The following CNTN5 variants were observed in gnomAD, a reference collection of about 807,000 sequenced individuals.
CNTN5 encodes contactin 5.
In CNTN5, 77 loss-of-function variants were observed where a neutral mutation model predicts 129.1. The observed-to-expected ratio is 0.60, with a 90% confidence interval of 0.50 to 0.72. The LOEUF is 0.72. Ranked by LOEUF, CNTN5 falls within the 30% of genes least tolerant of loss-of-function variation. The pLI is 0.00. For synonymous variants in CNTN5, 509 were observed against 465.6 expected, an observed-to-expected ratio of 1.09 and a Z score of -1.20; for missense variants, 1,478 against 1,328.8, an observed-to-expected ratio of 1.11 and a Z score of -1.75.
intron 1 of CNTN5, among the ~76,000 whole-genome samples, chr11:99,322,999 A>G (rs1472196823): frequency 2.0e-5 from 3 of 152,154 alleles, no homozygotes; most frequent in Admixed American, 1.3e-4. Context: ...GTCGCCTACG[A>G]TTATTTATTT....
In CNTN5 at chr11:99,287,095, G is replaced by A. The variant is rs558871148; in HGVS notation, c.-209-38251G>A. Among the ~76,000 whole-genome samples the A allele has an allele frequency of 1.5e-4, 23 of 152,234 alleles. 1 individual carries two copies. In the South Asian group the frequency reaches 4.8e-3, roughly 32 times the overall value. On this transcript the variant is annotated intron_variant, in intron 1 of 24. Coordinates refer to ENST00000524871, the MANE Select transcript of CNTN5 (RefSeq NM_014361.4). ...CTTTCAATATTTAAAAGGCTGTCAT[G>A]TGGAAAAGACAGCAAGGTGACAAGT...
chr11:99,822,942 C>T (rs1490243614), intron 4 of CNTN5, among the ~76,000 whole-genome samples: 2 of 152,238 alleles, frequency 1.3e-5, no homozygotes, highest in Non-Finnish European at 2.9e-5. Context: ...TGGAAGTCAG[C>T]TCGTGCTGAG....
chr11:99,854,226 C>T (rs575826005), intron 6 of CNTN5, among the ~76,000 whole-genome samples: 2 of 152,136 alleles, frequency 1.3e-5, no homozygotes, highest in Non-Finnish European at 2.9e-5. Flanking sequence ...ACTCCAGCCC[C>T]ACTATACTCC....
At chr11:100,188,796 C>G (rs1267111127) in intron 13 of CNTN5, among the ~76,000 whole-genome samples, 1 of 152,114 alleles carries the variant, frequency 6.6e-6, no homozygotes, top group Non-Finnish European at 1.5e-5. Flanking sequence ...CATTGTAGCA[C>G]TAGTCACAAT....
intron 3 of CNTN5, among the ~76,000 whole-genome samples, chr11:99,612,372 C>G (rs1024089880): frequency 6.6e-6 from 1 of 152,152 alleles, no homozygotes; most frequent in Non-Finnish European, 1.5e-5. Context: ...GGATTATTCT[C>G]TTAATCCCTC....
At chr11:99,022,533 G>A (rs1862920978) in intron 1 of CNTN5, among the ~76,000 whole-genome samples, 1 of 151,922 alleles carries the variant, frequency 6.6e-6, no homozygotes, top group South Asian at 2.1e-4. Flanking sequence ...AGTTAAGTGG[G>A]GACTAGTATG....
intron 3 of CNTN5, among the ~76,000 whole-genome samples, chr11:99,580,326 A>G (rs1407519318): frequency 6.6e-6 from 1 of 152,184 alleles, no homozygotes; most frequent in Non-Finnish European, 1.5e-5. Context: ...CTTTGGTATC[A>G]GGATGATGCT....
At chr11:99,305,195 C>T (rs1021663370) in intron 1 of CNTN5, among the ~76,000 whole-genome samples, 1 of 152,058 alleles carries the variant, frequency 6.6e-6, no homozygotes, top group Admixed American at 6.6e-5. Context: ...TAGAACACTG[C>T]CTTAATAAGG....
intron 1 of CNTN5, among the ~76,000 whole-genome samples, chr11:99,032,103 T>G (rs1390605794): frequency 6.6e-6 from 1 of 152,104 alleles, no homozygotes; most frequent in Non-Finnish European, 1.5e-5. Flanking sequence ...AACTCATCCT[T>G]TTTTATGGCT....
At chr11:100,288,909 A>G (rs1350515566) in intron 18 of CNTN5, among the ~76,000 whole-genome samples, 1 of 151,964 alleles carries the variant, frequency 6.6e-6, no homozygotes, top group Non-Finnish European at 1.5e-5. Context: ...AGACACAATA[A>G]AAAATGATAA....
chr11:99,304,395 C>A (rs1375058758), intron 1 of CNTN5, among the ~76,000 whole-genome samples: 1 of 152,070 alleles, frequency 6.6e-6, no homozygotes, highest in Non-Finnish European at 1.5e-5. Context: ...TAAAATCATT[C>A]ACATATAAAT....
At position 100,091,685 on chromosome 11, in the gene CNTN5, C is replaced by T. The variant is rs567514464; in HGVS notation, c.1580+17391C>T. Among the ~76,000 whole-genome samples, 7 of 152,030 alleles carry T rather than the reference C, an allele frequency of 4.6e-5. No individual in the cohort carries two copies. The South Asian group carries it at 1.2e-3, about 27-fold the overall frequency. ...CTTGTGATCCACCCAACTCGGTCTA[C>T]CAAAGTGCTGGGATTACAGGTGTAA... On this transcript the variant is annotated intron_variant, in intron 13 of 24. Coordinates refer to ENST00000524871, the MANE Select transcript of CNTN5 (RefSeq NM_014361.4).
chr11:100,354,736 T>C (rs892857966), intron 24 of CNTN5, among the ~76,000 whole-genome samples: 2 of 151,686 alleles, frequency 1.3e-5, no homozygotes, highest in Non-Finnish European at 3.0e-5. Flanking sequence ...AGGCATATGG[T>C]ATAGCCTATT....
chr11:99,593,191 A>G (rs1950029221), intron 3 of CNTN5, among the ~76,000 whole-genome samples: 1 of 152,192 alleles, frequency 6.6e-6, no homozygotes, highest in South Asian at 2.1e-4. Flanking sequence ...CTAAAATCCA[A>G]ATGCATATTT....
chr11:99,849,116 A>G (rs1001283450), intron 6 of CNTN5, among the ~76,000 whole-genome samples: 1 of 151,966 alleles, frequency 6.6e-6, no homozygotes, highest in Non-Finnish European at 1.5e-5. Flanking sequence ...TATAATAGGT[A>G]TATACTTAAT....
At chr11:99,759,762 A>G (rs1944519022) in intron 3 of CNTN5, among the ~76,000 whole-genome samples, 1 of 151,992 alleles carries the variant, frequency 6.6e-6, no homozygotes, top group South Asian at 2.1e-4. Flanking sequence ...GCAGAGAGAG[A>G]GCAAGAGAAA....
chr11:99,092,958 C>T (rs1021056020), intron 1 of CNTN5, among the ~76,000 whole-genome samples: 2 of 151,860 alleles, frequency 1.3e-5, no homozygotes, highest in Non-Finnish European at 2.9e-5. Flanking sequence ...CCAAAAATGG[C>T]AACTTTTACT....
chr11:99,324,301 G>C (rs1405889917), intron 1 of CNTN5, among the ~76,000 whole-genome samples: 1 of 152,112 alleles, frequency 6.6e-6, no homozygotes, highest in African/African-American at 2.4e-5. Context: ...CAATCACTCT[G>C]AGGTTATCAA....
At chr11:99,736,638 A>G (rs1943720335) in intron 3 of CNTN5, among the ~76,000 whole-genome samples, 1 of 152,218 alleles carries the variant, frequency 6.6e-6, no homozygotes, top group Non-Finnish European at 1.5e-5. Context: ...AAACAATACC[A>G]GTTAACCATG....
Sources: gnomAD v4.1 joint callset for allele counts (sites outside exome capture counted in the v4.1 genomes callset) on GRCh38, gnomAD v4.1.1 for gene constraint, MANE v1.5 for transcripts, NCBI Gene and HGNC (gene_info 2026-07-23, HGNC 2026-07-21) for gene names.